GAS2: variants seen among roughly 807,000 people sequenced by gnomAD.
The protein encoded by GAS2 is growth arrest specific 2.
Under a neutral mutation model 37.5 loss-of-function variants are expected in GAS2, and 20 were observed. The observed-to-expected ratio is 0.53, with a 90% confidence interval of 0.37 to 0.77. GAS2 has a LOEUF of 0.77. GAS2 is among the 30% of genes least tolerant of loss of function. The probability of loss-of-function intolerance (pLI) is 0.00; values close to 1 mark genes in which losing one functional copy is unlikely to be tolerated. For missense variants in GAS2, 336 were observed against 373.4 expected (o/e 0.90, Z 0.82); for synonymous variants, 144 against 132.2 (o/e 1.09, Z -0.61).
At chr11:22,657,863 G>A (rs1848873110) in intron 1 of GAS2, among the ~76,000 whole-genome samples, 1 of 152,090 alleles carries the variant, frequency 6.6e-6, no homozygotes, top group South Asian at 2.1e-4. Flanking sequence ...TCACAATTTA[G>A]TAATGAACTG....
At chr11:22,730,756 G>A (rs1590064823) in intron 4 of GAS2, among the ~76,000 whole-genome samples, 1 of 151,704 alleles carries the variant, frequency 6.6e-6, no homozygotes, top group African/African-American at 2.4e-5. Flanking sequence ...ACTTTTAGTT[G>A]TAGAGTTAAA....
chr11:22,637,271 T>C (rs1198266705), intron 1 of GAS2, among the ~76,000 whole-genome samples: 1 of 100,312 alleles, frequency 1.0e-5, no homozygotes. Flanking sequence ...ATATTAATTA[T>C]ATTAATAGTA....
chr11:22,731,751 A>G lies in GAS2; in HGVS notation c.409+5318A>G, dbSNP rs186551936. Reference sequence around the variant, plus strand: ...CTTGTTTTTGTCTATATTGAAGACTATAAGAGTATTTTTGTGGGAAAAAAG... The same window carrying G: ...CTTGTTTTTGTCTATATTGAAGACTGTAAGAGTATTTTTGTGGGAAAAAAG... On this transcript the variant is annotated intron_variant, in intron 4 of 7. Transcript: ENST00000454584. Among the ~76,000 whole-genome samples the G allele has an allele frequency of 6.9e-3, 1,046 of 151,930 alleles. 4 individuals are homozygous for G. The highest frequency in any genetic ancestry group is 0.011 in the Non-Finnish European group (735 of 67,828).
intron 1 of GAS2, among the ~76,000 whole-genome samples, chr11:22,630,362 A>G (rs886802237): frequency 2.0e-5 from 3 of 152,104 alleles, no homozygotes; most frequent in African/African-American, 7.2e-5. Flanking sequence ...CCGTGTCCCT[A>G]CAAATACCAT....
chr11:22,701,726 C>T lies in GAS2; in HGVS notation c.267+15937C>T, dbSNP rs529808135. ...TGCCTGTAGTCCCAGCTACTCTGGA[C>T]GCTGAGGGAGGAAAATCACTTGAAC... is the stretch of plus-strand genomic sequence containing the variant. On this transcript the variant is annotated intron_variant, in intron 3 of 7. Coordinates refer to ENST00000454584, the MANE Select transcript of GAS2 (RefSeq NM_001143830.3). Among the ~76,000 whole-genome samples the T allele has an allele frequency of 2.2e-4, 33 of 151,842 alleles. No homozygotes were observed. The South Asian group carries it at 2.7e-3, about 12-fold the overall frequency.
intron 5 of GAS2, among the ~76,000 whole-genome samples, chr11:22,743,253 A>AT (rs1361683798): frequency 6.6e-6 from 1 of 152,098 alleles, no homozygotes; most frequent in Non-Finnish European, 1.5e-5. Context: ...ATTACTTTGT[A>AT]TTTTAACACC....
upstream of GAS2, among the ~76,000 whole-genome samples, chr11:22,662,170 C>G (rs1026023437): frequency 6.6e-6 from 1 of 152,136 alleles, no homozygotes; most frequent in African/African-American, 2.4e-5. Flanking sequence ...AACCTTGAGT[C>G]CAAATGAACC....
intron 6 of GAS2, among the ~76,000 whole-genome samples, chr11:22,752,121 G>A (rs926076335): frequency 4.6e-5 from 7 of 151,860 alleles, no homozygotes; most frequent in African/African-American, 7.3e-5. Flanking sequence ...AACACACCAC[G>A]GTTAAATTAG....
At chr11:22,744,745 G>T (rs1358392944) in intron 5 of GAS2, among the ~76,000 whole-genome samples, 1 of 152,086 alleles carries the variant, frequency 6.6e-6, no homozygotes, top group South Asian at 2.1e-4. Context: ...TTAAGAAGGG[G>T]AATGAGACAA....
In GAS2 at chr11:22,698,115, C is replaced by A. The variant is rs144138007; in HGVS notation, c.267+12326C>A. 1.5e-3 allele frequency among the ~76,000 whole-genome samples: 224 copies of A among 151,938 alleles called. 2 individuals are homozygous for A. The highest frequency in any genetic ancestry group is 4.8e-3 in the African/African-American group (199 of 41,460). On this transcript the variant is annotated intron_variant, in intron 3 of 7. Transcript: ENST00000454584. ...TGAAAGGATCAGCAAAATTGATAGACCGCTAGCAAGACTAATAAAGAAGAA... is the reference window on the plus strand; with the variant it reads ...TGAAAGGATCAGCAAAATTGATAGAACGCTAGCAAGACTAATAAAGAAGAA...
chr11:22,728,052 A>G (rs1317434154), intron 4 of GAS2, among the ~76,000 whole-genome samples: 2 of 152,072 alleles, frequency 1.3e-5, no homozygotes, highest in African/African-American at 4.8e-5. Flanking sequence ...TTGCCAAAGA[A>G]CAATCACATG....
intron 3 of GAS2, among the ~76,000 whole-genome samples, chr11:22,693,485 C>T (rs1850352088): frequency 6.6e-6 from 1 of 152,060 alleles, no homozygotes; most frequent in Non-Finnish European, 1.5e-5. Flanking sequence ...TTGCAATGTT[C>T]AGGTCATTAA....
At chr11:22,710,511 GTC>G (rs1443036117) in intron 3 of GAS2, among the ~76,000 whole-genome samples, 1 of 10,690 alleles carries the variant, frequency 9.4e-5, no homozygotes. Flanking sequence ...GTCTGTGTGT[GTC>G]TGTGTGTATA....
chr11:22,780,356 G>A (rs953403724), intron 7 of GAS2, among the ~76,000 whole-genome samples: 2 of 151,892 alleles, frequency 1.3e-5, no homozygotes, highest in African/African-American at 4.8e-5. Context: ...TCAGCCAGAC[G>A]TGGCGGCATG....
intron 2 of GAS2, among the ~76,000 whole-genome samples, chr11:22,684,804 A>C (rs1849860455): frequency 6.6e-6 from 1 of 152,258 alleles, no homozygotes; most frequent in African/African-American, 2.4e-5. Context: ...TCACGAGCTC[A>C]AGCAATCCAC....
Position 22,716,449 on chromosome 11 carries a change from G to T in GAS2, c.268-9843G>T, listed in dbSNP as rs576702342. Among the ~76,000 whole-genome samples, 16 of 152,124 alleles carry T rather than the reference G, an allele frequency of 1.1e-4. No homozygotes were observed. In the South Asian group the frequency reaches 2.9e-3, roughly 28 times the overall value. On this transcript the variant is annotated intron_variant, in intron 3 of 7. Coordinates refer to ENST00000454584, the MANE Select transcript of GAS2 (RefSeq NM_001143830.3). ...GAGGCCAGGAGTTTGAGACCTGCCT[G>T]GCCAACATGGTGAAACATTGTCTCA...
At chr11:22,729,477 C>G (rs964765479) in intron 4 of GAS2, among the ~76,000 whole-genome samples, 1 of 151,816 alleles carries the variant, frequency 6.6e-6, no homozygotes, top group Non-Finnish European at 1.5e-5. Context: ...TGGCAGATAA[C>G]TTCCTATGCC....
At chr11:22,707,456 T>C (rs1250780744) in intron 3 of GAS2, among the ~76,000 whole-genome samples, 2 of 152,188 alleles carry the variant, frequency 1.3e-5, no homozygotes, top group Admixed American at 6.5e-5. Flanking sequence ...TCCATACTTT[T>C]AAAAGTCACA....
At chr11:22,741,752 G>C (rs577095573) in intron 5 of GAS2, among the ~76,000 whole-genome samples, 2 of 152,042 alleles carry the variant, frequency 1.3e-5, no homozygotes. Context: ...ACTTTCACAT[G>C]GTTGAAATTT....
Sources: allele counts gnomAD v4.1 joint callset (sites outside exome capture counted in the v4.1 genomes callset), GRCh38; gene constraint gnomAD v4.1.1; transcripts MANE v1.5; gene names NCBI Gene and HGNC (gene_info 2026-07-23, HGNC 2026-07-21).